PIEZO2: variants seen among roughly 807,000 people sequenced by gnomAD.
PIEZO2 encodes the protein piezo type mechanosensitive ion channel component 2.
A neutral mutation model predicts 337.3 loss-of-function variants in PIEZO2; 172 were observed. That is an observed-to-expected ratio of 0.51 (90% CI 0.45 to 0.58). PIEZO2 has a LOEUF of 0.58. Among genes scored for constraint, PIEZO2 ranks in the 20% least tolerant of loss-of-function variants. The pLI is 0.00. For synonymous variants in PIEZO2, 1,251 were observed against 1,228.5 expected, an observed-to-expected ratio of 1.02 and a Z score of -0.38; for missense variants, 3,028 against 3,391.3, an observed-to-expected ratio of 0.89 and a Z score of 2.66.
At chr18:11,108,390 C>T (rs1371039222) in intron 1 of PIEZO2, among the ~76,000 whole-genome samples, 13 of 151,882 alleles carry the variant, frequency 8.6e-5, no homozygotes, top group Non-Finnish European at 1.8e-4. Context: ...CCGAGGCGGG[C>T]AGATCACGAG....
chr18:10,718,515 T>C (rs28735699), intron 36 of PIEZO2, among the ~76,000 whole-genome samples: 1 of 152,156 alleles, frequency 6.6e-6, no homozygotes. Flanking sequence ...GGCTGACTGT[T>C]GCCAAATGGC....
At chr18:10,731,177 T>TAGATATATATATATA (rs1555633703) in intron 36 of PIEZO2, among the ~76,000 whole-genome samples, 1 of 35,234 alleles carries the variant, frequency 2.8e-5, no homozygotes, top group African/African-American at 1.3e-4. Flanking sequence ...ACTTAAAAGA[T>TAGATATATATATATA]TATATATATA....
intron 2 of PIEZO2, among the ~76,000 whole-genome samples, chr18:11,026,306 G>A (rs907684836): frequency 2.0e-5 from 3 of 152,142 alleles, no homozygotes; most frequent in African/African-American, 7.2e-5. Flanking sequence ...AACCGAACAA[G>A]TACAAAGTGA....
intron 13 of PIEZO2, among the ~76,000 whole-genome samples, chr18:10,793,417 T>A (rs1055522327): frequency 2.0e-5 from 3 of 152,194 alleles, no homozygotes; most frequent in African/African-American, 7.2e-5. Context: ...TAACTCTTTT[T>A]TTCCACGAGT....
chr18:10,958,360 T>C (rs1347848488), intron 3 of PIEZO2, among the ~76,000 whole-genome samples: 4 of 151,380 alleles, frequency 2.6e-5, no homozygotes, highest in Admixed American at 2.6e-4. Context: ...AAGGGGGAAG[T>C]TGAGGAGAGG....
chr18:11,100,745 G>A (rs1472055945), intron 1 of PIEZO2, among the ~76,000 whole-genome samples: 5 of 152,162 alleles, frequency 3.3e-5, no homozygotes, highest in African/African-American at 9.6e-5. Flanking sequence ...ACAGGCGCCC[G>A]CCACCACGCC....
chr18:11,045,959 T>C (rs369743156), intron 2 of PIEZO2, among the ~76,000 whole-genome samples: 39 of 152,322 alleles, frequency 2.6e-4, no homozygotes, highest in African/African-American at 9.1e-4. Flanking sequence ...TGCGATAGGT[T>C]GTCGCATGAA....
intron 1 of PIEZO2, among the ~76,000 whole-genome samples, chr18:11,142,448 G>A (rs2040679823): frequency 6.6e-6 from 1 of 152,144 alleles, no homozygotes; most frequent in African/African-American, 2.4e-5. Context: ...GAAGCTCTGA[G>A]GAATATGACA....
chr18:10,922,229 C>A (rs987796246), intron 3 of PIEZO2, among the ~76,000 whole-genome samples: 6 of 152,070 alleles, frequency 3.9e-5, no homozygotes, highest in African/African-American at 1.4e-4. Flanking sequence ...TGTGATGTCT[C>A]CCCTGGATGC....
chr18:10,896,062 A>AAAAAAAAAAACAAAAACG (rs2042893041), intron 4 of PIEZO2, among the ~76,000 whole-genome samples: 1 of 100,628 alleles, frequency 9.9e-6, no homozygotes, highest in Non-Finnish European at 2.7e-5. Context: ...TTTCATCTCA[A>AAAAAAAAAAACAAAAACG]AAAAAAAAAA....
At position 11,031,152 on chromosome 18, in the gene PIEZO2, G is replaced by A. The variant is rs1250394194; in HGVS notation, c.160+34975C>T. Reference sequence around the variant, plus strand: ...CTACAGGCGCCTGCCACCATGCCTGGCTAATTTTTTTGTATTTTTTTTTTT... The same window carrying A: ...CTACAGGCGCCTGCCACCATGCCTGACTAATTTTTTTGTATTTTTTTTTTT... On this transcript the variant is annotated intron_variant, in intron 2 of 55. Transcript: ENST00000674853. The surrounding 1 kb of genome is among the most constrained non-coding windows in gnomAD (Gnocchi z 4.7). 6.7e-6 allele frequency among the ~76,000 whole-genome samples: 1 copy of A among 149,498 alleles called. No individual in the cohort carries two copies. Among genetic ancestry groups the A allele is most frequent in the Non-Finnish European group, 1.5e-5 (1 of 67,734 alleles).
In PIEZO2 at chr18:11,101,925, C is replaced by T. The variant is rs554358098; in HGVS notation, c.65-35703G>A. On this transcript the variant is annotated intron_variant, in intron 1 of 55. Transcript: ENST00000674853. The surrounding 1 kb of genome is among the most constrained non-coding windows in gnomAD (Gnocchi z 4.4). ...CTAATTTGTAACATGAGTATGTAAACATTTCTGGATATGTTTAGTTTTTAA... is the reference window on the plus strand; with the variant it reads ...CTAATTTGTAACATGAGTATGTAAATATTTCTGGATATGTTTAGTTTTTAA... Among the ~76,000 whole-genome samples, 1 of 152,248 alleles carries T rather than the reference C, an allele frequency of 6.6e-6. No homozygotes were observed. Among genetic ancestry groups the T allele is most frequent in the South Asian group, 2.1e-4 (1 of 4,814 alleles).
chr18:10,788,269 G>A (rs1233301155), intron 15 of PIEZO2, among the ~76,000 whole-genome samples: 1 of 151,882 alleles, frequency 6.6e-6, no homozygotes, highest in Non-Finnish European at 1.5e-5. Context: ...GGAGGTGTTG[G>A]CACACACTTG....
Position 10,837,128 on chromosome 18 carries a change from T to C in PIEZO2, c.917+18225A>G, listed in dbSNP as rs1405192801. 1.3e-5 allele frequency among the ~76,000 whole-genome samples: 2 copies of C among 152,326 alleles called. No individual in the cohort carries two copies. The highest frequency in any genetic ancestry group is 2.9e-5 in the Non-Finnish European group (2 of 68,016). ...CGCACAGGGATTGCTCACAACTCTTTCCATGCCAAGAAGCATGTGAGGAGG... is the reference window on the plus strand; with the variant it reads ...CGCACAGGGATTGCTCACAACTCTTCCCATGCCAAGAAGCATGTGAGGAGG... On this transcript the variant is annotated intron_variant, in intron 7 of 55. Transcript: ENST00000674853. This position sits in a 1 kb window ranked among gnomAD's most constrained non-coding sequence, Gnocchi z 4.4.
At chr18:11,124,698 T>A (rs768427398) in intron 1 of PIEZO2, among the ~76,000 whole-genome samples, 9 of 152,002 alleles carry the variant, frequency 5.9e-5, no homozygotes, top group Non-Finnish European at 1.3e-4. Flanking sequence ...GATGAGATCC[T>A]CAGAGAGATG....
At chr18:11,107,662 G>A (rs968122111) in intron 1 of PIEZO2, among the ~76,000 whole-genome samples, 2 of 152,158 alleles carry the variant, frequency 1.3e-5, no homozygotes, top group Non-Finnish European at 2.9e-5. Flanking sequence ...TGAAATGCTG[G>A]CCCTGCCTAA....
Position 10,794,924 on chromosome 18 carries a change from T to C in PIEZO2, c.1606A>G (p.Arg536Gly). The C allele has an allele frequency of 3.9e-6, 6 of 1,544,372 alleles. No homozygotes were observed. Among genetic ancestry groups the C allele is most frequent in the Non-Finnish European group, 5.2e-6 (6 of 1,146,966 alleles). The change falls in exon 13 of 56, where the codon AGA becomes GGA. Residue 536 changes from arginine (R) to glycine (G), a missense_variant. By Grantham distance (125) the Arg-to-Gly change is moderately radical. Transcript: ENST00000674853. This position sits in a 1 kb window ranked among gnomAD's most constrained non-coding sequence, Gnocchi z 6.6. ...GAGCTGATCATGGCATATTTTCTTC[T>C]GTTGCGAATCATCCAAAGAGTGCAC... ...WSCTLWMIRN[R>G]RKYAMISSPF...
chr18:10,811,002 C>T (rs890639969), intron 7 of PIEZO2, among the ~76,000 whole-genome samples: 1 of 152,184 alleles, frequency 6.6e-6, no homozygotes, highest in African/African-American at 2.4e-5. Flanking sequence ...TCATCTGAAC[C>T]TTCATGCTAA....
chr18:10,979,482 C>CGT lies in PIEZO2; in HGVS notation c.286+51_286+52dup. 3 of 1,388,334 alleles carry CGT rather than the reference C, an allele frequency of 2.2e-6. No individual in the cohort carries two copies. The highest frequency in any genetic ancestry group is 1.4e-5 in the African/African-American group (1 of 69,326). The allele number at this position is 1,388,334 out of a possible 1,614,324, so 86.0% of individuals were successfully genotyped here. On this transcript the variant is annotated intron_variant, in intron 3 of 55. Coordinates refer to ENST00000674853, the MANE Select transcript of PIEZO2 (RefSeq NM_001378183.1). The surrounding 1 kb of genome is among the most constrained non-coding windows in gnomAD (Gnocchi z 4.0). ...CGATGACACACAGCTTTATTATGCACGTATATAAAAGAAATAAAAGAAAAC... is the reference window on the plus strand; with the variant it reads ...CGATGACACACAGCTTTATTATGCACGTGTATATAAAAGAAATAAAAGAAAAC...
Sources: gnomAD v4.1 joint callset for allele counts (sites outside exome capture counted in the v4.1 genomes callset) on GRCh38, gnomAD v4.1.1 for gene constraint, Gnocchi (gnomAD v3.1) non-coding constraint, MANE v1.5 for transcripts, NCBI Gene and HGNC (gene_info 2026-07-23, HGNC 2026-07-21) for gene names.